The following NBEAL1 variants were observed in gnomAD, a reference collection of about 807,000 sequenced individuals.
NBEAL1 encodes the protein neurobeachin-like protein 1.
In NBEAL1, 273 loss-of-function variants were observed where a neutral mutation model predicts 351.3. The observed-to-expected ratio is 0.78, with a 90% CI of 0.70 to 0.86. The LOEUF (loss-of-function observed/expected upper bound fraction) is 0.86, where lower values mean the gene tolerates loss of function less well. NBEAL1 is among the 40% of genes least tolerant of loss of function. NBEAL1 has a pLI of 0.00. For synonymous variants in NBEAL1, 1,050 were observed against 1,086.4 expected (o/e 0.97, Z 0.66); for missense variants, 2,961 against 3,201.3 (o/e 0.92, Z 1.81).
chr2:203,030,811 G>C (rs948920728), intron 2 of NBEAL1, among the ~76,000 whole-genome samples: 2 of 152,154 alleles, frequency 1.3e-5, no homozygotes, highest in Non-Finnish European at 2.9e-5. Flanking sequence ...AGGATCACTT[G>C]AGACCAGACT....
At position 203,016,375 on chromosome 2, in the gene NBEAL1, G is replaced by T. The variant is rs1209645666; in HGVS notation, c.-10G>T. 2 of 1,476,230 alleles carry T rather than the reference G, an allele frequency of 1.4e-6. No homozygotes were observed. The highest frequency in any genetic ancestry group is 1.8e-6 in the Non-Finnish European group (2 of 1,096,044). The allele number at this position is 1,476,230 out of a possible 1,614,324, so 91.4% of individuals were successfully genotyped here. On this transcript the variant is annotated 5_prime_UTR_variant, in exon 2 of 56. Coordinates refer to ENST00000683969, the MANE Select transcript of NBEAL1 (RefSeq NM_001378026.1). ...TAAGGAAAACTTAAAGTGCCAGAGT[G>T]AAAGCCAGAATGGCATCCAGAGAGA...
At chr2:203,131,246 C>T (rs750250165) in intron 25 of NBEAL1, among the ~76,000 whole-genome samples, 3 of 152,172 alleles carry the variant, frequency 2.0e-5, no homozygotes, top group Admixed American at 1.3e-4. Flanking sequence ...GACGGAGTCT[C>T]GCTCTGTCGC....
intron 10 of NBEAL1, among the ~76,000 whole-genome samples, chr2:203,088,742 A>G (rs1313700767): frequency 6.6e-6 from 1 of 152,172 alleles, no homozygotes; most frequent in Non-Finnish European, 1.5e-5. Flanking sequence ...TCTGCTTAAG[A>G]TGAAAGATTA....
intron 7 of NBEAL1, 30 bp from the exon 8 acceptor site, chr2:203,077,718 CTTAT>C (rs746378979): frequency 4.2e-4 from 475 of 1,139,952 alleles, no homozygotes; most frequent in South Asian, 7.4e-4. Context: ...AAAGACAAAT[CTTAT>C]TTATTTATTT....
At chr2:203,031,074 C>A (rs928938454) in intron 2 of NBEAL1, among the ~76,000 whole-genome samples, 11 of 152,214 alleles carry the variant, frequency 7.2e-5, no homozygotes, top group African/African-American at 2.7e-4. Flanking sequence ...AAAATGCTGG[C>A]AGTTAAACTG....
chr2:203,100,995 A>G (rs1029844454), intron 12 of NBEAL1, among the ~76,000 whole-genome samples: 1 of 152,118 alleles, frequency 6.6e-6, no homozygotes, highest in Non-Finnish European at 1.5e-5. Flanking sequence ...AGTTTCTCCC[A>G]TTCTGTAGGT....
chr2:203,042,597 T>C (rs182049528), intron 3 of NBEAL1, among the ~76,000 whole-genome samples: 3 of 152,106 alleles, frequency 2.0e-5, no homozygotes, highest in East Asian at 1.9e-4. Context: ...TTTTTTTTTT[T>C]TTTCTTTTTT....
Position 203,084,479 on chromosome 2 carries a change from G to A in NBEAL1, c.1008G>A (p.Met336Ile), listed in dbSNP as rs1310090784. ...TTTTCCTAGATACCATCACAGCCAT[G>A]TTAGATTGTACAGATAGACCTGTTC... ...QIKMLNTITA[M>I]LDCTDRPVLQ... The change falls in exon 10 of 56, where the codon ATG (methionine) becomes ATA (isoleucine). Residue 336 changes from methionine (M) to isoleucine (I), a missense_variant. Transcript: ENST00000683969. 6.7e-7 allele frequency: 1 copy of A among 1,495,848 alleles called. No individual in the cohort carries two copies. The highest frequency in any genetic ancestry group is 2.6e-5 in the East Asian group (1 of 38,868). The allele number at this position is 1,495,848 out of a possible 1,614,324, so 92.7% of individuals were successfully genotyped here. A position where few individuals can be genotyped will look rare whatever the true frequency, so the allele number is the denominator to read the frequency against.
chr2:203,133,127 G>C lies in NBEAL1; in HGVS notation c.3794G>C (p.Arg1265Thr), dbSNP rs2063112573. 2 of 1,496,418 alleles carry C rather than the reference G, an allele frequency of 1.3e-6. No individual in the cohort carries two copies. The highest frequency in any genetic ancestry group is 1.4e-5 in the African/African-American group (1 of 71,366). 92.7% of individuals were successfully genotyped at this position (1,496,418 alleles called of 1,614,324 possible). ...YISHRAHINV[R>T]VAICRKVLQI... ...TCTCACAGAGCACATATAAATGTTA[G>C]AGTGGCCATCTGCAGAAAGGTCAGT... Residue 1265 changes from arginine to threonine, a missense_variant, in exon 27 of 56, where the codon AGA becomes ACA. Transcript: ENST00000683969.
chr2:203,172,643 T>C, intron 40 of NBEAL1, 86 bp from the exon 41 acceptor site: 1 of 1,200,986 alleles, frequency 8.3e-7, no homozygotes, highest in African/African-American at 1.6e-5. Flanking sequence ...TCCCTTTTTG[T>C]CTTTAGATAA....
intron 7 of NBEAL1, among the ~76,000 whole-genome samples, chr2:203,072,117 A>G (rs2061693916): frequency 6.6e-6 from 1 of 152,202 alleles, no homozygotes; most frequent in Non-Finnish European, 1.5e-5. Context: ...CTTTGGTGGG[A>G]ATGGCAGCTC....
intron 6 of NBEAL1, among the ~76,000 whole-genome samples, chr2:203,066,964 C>G (rs1487404162): frequency 2.1e-5 from 3 of 140,806 alleles, no homozygotes; most frequent in Admixed American, 1.4e-4. Flanking sequence ...CCTCACTTAC[C>G]AGGCGGGGCG....
At chr2:203,097,012 T>G (rs2062199650) in intron 10 of NBEAL1, among the ~76,000 whole-genome samples, 3 of 152,226 alleles carry the variant, frequency 2.0e-5, no homozygotes, top group Admixed American at 6.5e-5. Flanking sequence ...AACTCACGGT[T>G]TCTTGTGGCT....
At position 203,199,384 on chromosome 2, in the gene NBEAL1, C is replaced by G; in HGVS notation, c.7175C>G (p.Pro2392Arg). 7 of 1,608,524 alleles carry G rather than the reference C, an allele frequency of 4.4e-6. No homozygotes were observed. Among genetic ancestry groups the G allele is most frequent in the Non-Finnish European group, 6.0e-6 (7 of 1,175,706 alleles). ...NYVIGTHGWLPYDRNISNYFT... is the reference protein window; with the variant it reads ...NYVIGTHGWLRYDRNISNYFT... ...GTTATTGGAACCCATGGATGGTTGCCTTATGACAGAAACATTTCTAATTAC... is the reference window on the plus strand; with the variant it reads ...GTTATTGGAACCCATGGATGGTTGCGTTATGACAGAAACATTTCTAATTAC... Residue 2392 changes from proline (P) to arginine (R), a missense_variant, in exon 49 of 56, where the codon CCT (proline) becomes CGT (arginine). Pro to Arg is a moderately radical substitution (Grantham distance 103). Coordinates refer to ENST00000683969, the MANE Select transcript of NBEAL1 (RefSeq NM_001378026.1).
At chr2:203,040,284 C>G in intron 2 of NBEAL1, 1 of 786,472 alleles carries the variant, frequency 1.3e-6, no homozygotes, top group Non-Finnish European at 2.2e-6. Context: ...TACATGATTC[C>G]TGGAGGCAGA....
At chr2:203,106,804 T>C (rs748332020) in intron 12 of NBEAL1, among the ~76,000 whole-genome samples, 1 of 152,218 alleles carries the variant, frequency 6.6e-6, no homozygotes, top group African/African-American at 2.4e-5. Context: ...CTTTAGTATG[T>C]TCTAGGTTTT....
chr2:203,209,461 G>A (rs1018261507), intron 53 of NBEAL1, 139 bp downstream of exon 53: 29 of 627,402 alleles, frequency 4.6e-5, no homozygotes, highest in African/African-American at 3.1e-4. Flanking sequence ...TCAGTTGTTC[G>A]TTTCTTAACA....
At chr2:203,143,658 A>C (rs570925313) in intron 31 of NBEAL1, among the ~76,000 whole-genome samples, 1 of 152,274 alleles carries the variant, frequency 6.6e-6, no homozygotes, top group East Asian at 1.9e-4. Flanking sequence ...TATCCAGAGA[A>C]AGAGAGTGCT....
intron 44 of NBEAL1, 25 bp downstream of exon 44, chr2:203,183,413 T>A (rs759099834): frequency 2.8e-5 from 35 of 1,262,532 alleles, no homozygotes; most frequent in Non-Finnish European, 3.6e-5. Context: ...TTTAGTTATT[T>A]GACAGAATAA....
Sources: allele counts gnomAD v4.1 joint callset (sites outside exome capture counted in the v4.1 genomes callset), GRCh38; gene constraint gnomAD v4.1.1; transcripts MANE v1.5; gene names NCBI Gene and HGNC (gene_info 2026-07-23, HGNC 2026-07-21).